ENPP2: variants seen among roughly 807,000 people sequenced by gnomAD.
ENPP2 encodes the protein autotaxin.
In ENPP2, 51 loss-of-function variants were observed where a neutral mutation model predicts 120.2. The ratio of observed to expected loss-of-function variants is 0.42; its 90% CI spans 0.34 to 0.54. The LOEUF (loss-of-function observed/expected upper bound fraction) is 0.54. Among genes scored for constraint, ENPP2 ranks in the 20% least tolerant of loss-of-function variants. ENPP2 has a pLI of 0.04. For missense variants in ENPP2, 920 were observed against 1,066.5 expected (o/e 0.86, Z 1.91); for synonymous variants, 365 against 366.4 (o/e 1.00, Z 0.04).
At chr8:119,569,516 CT>C in intron 20 of ENPP2, 146 bp from the exon 21 acceptor site, 1 of 703,718 alleles carries the variant, frequency 1.4e-6, no homozygotes, top group Non-Finnish European at 2.2e-6. Flanking sequence ...AGTCTGACTT[CT>C]TTTTAAAAGT....
At chr8:119,618,324 CTG>C in intron 5 of ENPP2, 1 of 481,190 alleles carries the variant, frequency 2.1e-6, no homozygotes, top group African/African-American at 2.0e-5. Context: ...TTATGGGCCT[CTG>C]TATAAGAGAA....
intron 11 of ENPP2, among the ~76,000 whole-genome samples, chr8:119,594,414 A>G (rs1267434362): frequency 6.6e-6 from 1 of 152,250 alleles, no homozygotes; most frequent in Non-Finnish European, 1.5e-5. Context: ...CTATTCTAAG[A>G]AACAAGTTAT....
upstream of ENPP2, among the ~76,000 whole-genome samples, chr8:119,640,563 A>G (rs1817249462): frequency 6.6e-6 from 1 of 152,200 alleles, no homozygotes; most frequent in Non-Finnish European, 1.5e-5. Context: ...TAGCTAGAAG[A>G]CAATGAGGGT....
At chr8:119,666,564 C>A (rs756484623) in intron 1 of ENPP2, among the ~76,000 whole-genome samples, 3 of 152,020 alleles carry the variant, frequency 2.0e-5, no homozygotes, top group Admixed American at 1.3e-4. Context: ...GCAGATCACC[C>A]AAGGTCAGGA....
At chr8:119,586,910 T>C (rs1390983765) in intron 14 of ENPP2, 134 bp downstream of exon 14, 7 of 707,722 alleles carry the variant, frequency 9.9e-6, no homozygotes, top group Non-Finnish European at 1.5e-5. Flanking sequence ...AGGAAACAAA[T>C]ATACAGGATG....
At chr8:119,620,857 T>G (rs1815845519) in intron 4 of ENPP2, among the ~76,000 whole-genome samples, 1 of 152,196 alleles carries the variant, frequency 6.6e-6, no homozygotes, top group South Asian at 2.1e-4. Context: ...CCCTGGGCAG[T>G]TGCCAATGCC....
chr8:119,634,965 A>G (rs1433781675), intron 2 of ENPP2, among the ~76,000 whole-genome samples: 3 of 152,168 alleles, frequency 2.0e-5, no homozygotes, highest in African/African-American at 7.2e-5. Flanking sequence ...CCATTGACTC[A>G]AACTCCCCAA....
At chr8:119,571,088 T>G in intron 19 of ENPP2, 1 of 293,624 alleles carries the variant, frequency 3.4e-6, no homozygotes, top group East Asian at 5.9e-5. Context: ...AGAATGCTTT[T>G]TTTAGTTGTA....
intron 1 of ENPP2, among the ~76,000 whole-genome samples, chr8:119,649,913 G>A (rs1049749625): frequency 2.0e-5 from 3 of 152,156 alleles, no homozygotes; most frequent in Non-Finnish European, 4.4e-5. Context: ...CTGTTAGGAA[G>A]GATGTGGAAA....
intron 18 of ENPP2, among the ~76,000 whole-genome samples, chr8:119,581,818 G>C (rs951870802): frequency 6.8e-6 from 1 of 148,012 alleles, no homozygotes; most frequent in Non-Finnish European, 1.5e-5. Flanking sequence ...GGAGTGTGGT[G>C]ACACAATCCC....
intron 19 of ENPP2, among the ~76,000 whole-genome samples, chr8:119,574,029 A>G (rs16892790): frequency 0.027 from 4,090 of 152,208 alleles, 177 homozygotes; most frequent in African/African-American, 0.092. Context: ...AAAAAAATCT[A>G]CTTGGGTCTT....
chr8:119,633,525 G>C (rs984113374), intron 2 of ENPP2, among the ~76,000 whole-genome samples: 3 of 152,136 alleles, frequency 2.0e-5, no homozygotes, highest in Non-Finnish European at 1.5e-5. Flanking sequence ...ATAACCCACA[G>C]GGCAAGGCAG....
intron 11 of ENPP2, among the ~76,000 whole-genome samples, chr8:119,594,370 G>A (rs1813743677): frequency 1.3e-5 from 2 of 152,082 alleles, no homozygotes; most frequent in African/African-American, 4.8e-5. Flanking sequence ...TTAACTGTTG[G>A]CATCTGAAAG....
At chr8:119,566,635 C>A (rs1419126698) in intron 22 of ENPP2, among the ~76,000 whole-genome samples, 1 of 152,030 alleles carries the variant, frequency 6.6e-6, no homozygotes, top group Non-Finnish European at 1.5e-5. Context: ...AAAAAACCAC[C>A]CCCCTCGTGG....
At chr8:119,626,367 C>G (rs999644712) in intron 3 of ENPP2, among the ~76,000 whole-genome samples, 198 bp downstream of exon 3, 2 of 152,214 alleles carry the variant, frequency 1.3e-5, no homozygotes, top group African/African-American at 4.8e-5. Context: ...AAGAACCTTT[C>G]TCTGCTGGAA....
intron 8 of ENPP2, among the ~76,000 whole-genome samples, chr8:119,612,719 G>T (rs770825326): frequency 3.3e-5 from 5 of 152,112 alleles, no homozygotes; most frequent in African/African-American, 1.2e-4. Flanking sequence ...GCGAAATGTT[G>T]TCTCTACAAA....
intron 9 of ENPP2, among the ~76,000 whole-genome samples, chr8:119,606,636 C>T (rs1814738932): frequency 6.6e-6 from 1 of 151,648 alleles, no homozygotes; most frequent in African/African-American, 2.4e-5. Flanking sequence ...AAAGAAATCT[C>T]TTAAAGGGAC....
intron 17 of ENPP2, 47 bp from the exon 18 acceptor site, chr8:119,582,649 G>T (rs1365048269): frequency 2.2e-6 from 3 of 1,342,220 alleles, no homozygotes; most frequent in Non-Finnish European, 3.2e-6. Context: ...ATATTTTTTT[G>T]ATGAGATATG....
chr8:119,616,462 A>G, intron 7 of ENPP2, 78 bp from the exon 8 acceptor site: 1 of 1,134,204 alleles, frequency 8.8e-7, no homozygotes. Context: ...GAATTTTCTT[A>G]GCATAGAAGG....
Sources: gnomAD v4.1 joint callset for allele counts (sites outside exome capture counted in the v4.1 genomes callset) on GRCh38, gnomAD v4.1.1 for gene constraint, MANE v1.5 for transcripts, NCBI Gene and HGNC (gene_info 2026-07-23, HGNC 2026-07-21) for gene names.